SETX: variants seen among roughly 807,000 people sequenced by gnomAD.
The protein encoded by SETX is helicase senataxin.
Under a neutral mutation model 227.2 loss-of-function variants are expected in SETX, and 90 were observed. The ratio of observed to expected loss-of-function variants is 0.40; its 90% CI spans 0.33 to 0.47. The LOEUF (loss-of-function observed/expected upper bound fraction) is 0.47. SETX is among the 20% of genes least tolerant of loss of function. The probability of loss-of-function intolerance (pLI) is 0.91; values close to 1 mark genes in which losing one functional copy is unlikely to be tolerated. For missense variants in SETX, 3,052 were observed against 3,181.5 expected (o/e 0.96, Z 0.98); for synonymous variants, 1,210 against 1,113.2 (o/e 1.09, Z -1.73).
chr9:132,298,868 C>T (rs936699373), intron 12 of SETX, among the ~76,000 whole-genome samples: 12 of 152,178 alleles, frequency 7.9e-5, no homozygotes, highest in Admixed American at 6.5e-4. Flanking sequence ...TGACTCTGAA[C>T]GCTATTCAGG....
intron 15 of SETX, among the ~76,000 whole-genome samples, chr9:132,293,839 G>A (rs897872231): frequency 2.8e-4 from 42 of 152,078 alleles, no homozygotes; most frequent in African/African-American, 7.5e-4. Flanking sequence ...TGGCTAACAC[G>A]GTGAAACCCC....
At chr9:132,302,438 T>A (rs1589681846) in intron 11 of SETX, among the ~76,000 whole-genome samples, 1 of 143,712 alleles carries the variant, frequency 7.0e-6, no homozygotes, top group Non-Finnish European at 1.5e-5. Flanking sequence ...GACGGGCGGA[T>A]CACCTGAGGT....
chr9:132,286,011 C>T (rs1414514760), intron 18 of SETX, among the ~76,000 whole-genome samples: 6 of 150,642 alleles, frequency 4.0e-5, no homozygotes, highest in East Asian at 3.9e-4. Context: ...GGTGAAACCC[C>T]GTCTCTACTA....
At position 132,273,138 on chromosome 9, in the gene SETX, A is replaced by G. The variant is rs148044905; in HGVS notation, c.7101-1330T>C. Among the ~76,000 whole-genome samples the G allele has an allele frequency of 1.4e-3, 208 of 152,160 alleles. 1 individual carries two copies. The highest frequency in any genetic ancestry group is 4.3e-3 in the African/African-American group (178 of 41,480). ...ACTAAGTCTTCCAGTCCATGAAAACAGGATGTCTTCACATTTATTTAGGTG... is the reference window on the plus strand; with the variant it reads ...ACTAAGTCTTCCAGTCCATGAAAACGGGATGTCTTCACATTTATTTAGGTG... On this transcript the variant is annotated intron_variant, in intron 23 of 25. Coordinates refer to ENST00000224140, the MANE Select transcript of SETX (RefSeq NM_015046.7).
chr9:132,287,719 A>G (rs1843997991), intron 17 of SETX, among the ~76,000 whole-genome samples: 1 of 151,676 alleles, frequency 6.6e-6, no homozygotes, highest in Non-Finnish European at 1.5e-5. Context: ...TAACAAAAGT[A>G]ATTTTAATAA....
Position 132,331,316 on chromosome 9 carries a change from T to C in SETX, c.971A>G (p.Tyr324Cys), listed in dbSNP as rs200665273. 6.2e-7 allele frequency: 1 copy of C among 1,614,138 alleles called. No individual in the cohort carries two copies. Among genetic ancestry groups the C allele is most frequent in the Non-Finnish European group, 8.5e-7 (1 of 1,180,004 alleles). The change falls in exon 8 of 26, where the codon TAC becomes TGC. Residue 324 changes from tyrosine (Y) to cysteine (C), a missense_variant. Coordinates refer to ENST00000224140, the MANE Select transcript of SETX (RefSeq NM_015046.7). ...CCGTATATGTCGGATCTCTCTATTG[T>C]AGCTTGCGTTGTTGATAATGGTTTG... ...AFQTIINNAS[Y>C]NREIRHIRNS...
At chr9:132,310,157 A>T (rs1173798765) in intron 11 of SETX, among the ~76,000 whole-genome samples, 2 of 152,234 alleles carry the variant, frequency 1.3e-5, no homozygotes, top group Non-Finnish European at 2.9e-5. Flanking sequence ...GCTACTAAAT[A>T]TGTGAAAAGA....
intron 15 of SETX, among the ~76,000 whole-genome samples, chr9:132,294,169 T>C (rs768277030): frequency 6.6e-6 from 1 of 152,184 alleles, no homozygotes; most frequent in Non-Finnish European, 1.5e-5. Context: ...AACTACCAAC[T>C]GTACACTGCA....
chr9:132,271,812 T>G lies in SETX; in HGVS notation c.7101-4A>C, dbSNP rs376630243. On this transcript the variant is annotated splice_polypyrimidine_tract_variant and splice_region_variant and intron_variant, in intron 23 of 25. Transcript: ENST00000224140. ...CACAGTGTCTACTTCTGCTGGTCTATTTACAAAAGAGAAACATATTTACTG... is the reference window on the plus strand; with the variant it reads ...CACAGTGTCTACTTCTGCTGGTCTAGTTACAAAAGAGAAACATATTTACTG... 1 of 1,609,336 alleles carries G rather than the reference T, an allele frequency of 6.2e-7. No individual in the cohort carries two copies.
At chr9:132,334,944 CTAACA>C (rs1471481995) in intron 6 of SETX, among the ~76,000 whole-genome samples, 1 of 152,052 alleles carries the variant, frequency 6.6e-6, no homozygotes, top group Non-Finnish European at 1.5e-5. Flanking sequence ...AAAACAATTT[CTAACA>C]TAACTACCAT....
At chr9:132,312,731 G>T (rs1368687809) in intron 10 of SETX, among the ~76,000 whole-genome samples, 2 of 152,270 alleles carry the variant, frequency 1.3e-5, no homozygotes, top group Middle Eastern at 3.4e-3. Flanking sequence ...TGATCAGTTT[G>T]TATCACCCAG....
chr9:132,352,387 G>A (rs1387047363), intron 2 of SETX, among the ~76,000 whole-genome samples: 1 of 152,096 alleles, frequency 6.6e-6, no homozygotes, highest in Non-Finnish European at 1.5e-5. Flanking sequence ...ACTCTTTCTG[G>A]GCGGCCTACT....
chr9:132,349,780 T>C (rs976276810), intron 2 of SETX, among the ~76,000 whole-genome samples: 1 of 152,148 alleles, frequency 6.6e-6, no homozygotes, highest in Non-Finnish European at 1.5e-5. Context: ...GATTTTGGAA[T>C]GGGGAAAAAA....
intron 11 of SETX, 67 bp downstream of exon 11, chr9:132,311,689 AT>A (rs1203924549): frequency 1.8e-6 from 2 of 1,142,016 alleles, no homozygotes; most frequent in African/African-American, 3.1e-5. Context: ...AAATAATGCT[AT>A]CTCCTCTTAA....
At position 132,352,457 on chromosome 9, in the gene SETX, A is replaced by G. The variant is rs921282237; in HGVS notation, c.-8+1192T>C. Among the ~76,000 whole-genome samples the G allele has an allele frequency of 1.4e-4, 21 of 152,234 alleles. 1 individual carries two copies. The highest frequency in any genetic ancestry group is 4.8e-4 in the African/African-American group (20 of 41,450). On this transcript the variant is annotated intron_variant, in intron 2 of 25. Coordinates refer to ENST00000224140, the MANE Select transcript of SETX (RefSeq NM_015046.7). ...GCTGCCCAGACTGAGAATGTATTGT[A>G]AAACTTAATGCAGGCAGGGCGCAGT...
chr9:132,355,473 G>T (rs1564173811), upstream of SETX, among the ~76,000 whole-genome samples: 3 of 152,270 alleles, frequency 2.0e-5, no homozygotes, highest in African/African-American at 4.8e-5. Context: ...GGAGGAATAT[G>T]TGTATATCCT....
chr9:132,341,421 G>T, intron 5 of SETX, among the ~76,000 whole-genome samples: 2 of 152,144 alleles, frequency 1.3e-5, no homozygotes, highest in Middle Eastern at 6.8e-3. Context: ...AAGCTCATCC[G>T]ACAGGGAGGA....
Position 132,326,771 on chromosome 9 carries a change from A to G in SETX, c.4827T>C (p.Gly1609=). 1 of 1,614,222 alleles carries G rather than the reference A, an allele frequency of 6.2e-7. No individual in the cohort carries two copies. The highest frequency in any genetic ancestry group is 8.5e-7 in the Non-Finnish European group (1 of 1,180,030). The stretch of plus-strand genomic sequence containing the variant: ...AAGAAGTTTCCAAAGATTTAGAAAG[A>G]CCAGCAATTCGTGAAGTACTCTTTG... ...FSSKSTSRIA[G]LSKSLETSSA... is the part of the protein sequence containing the mutation. Residue 1609 remains glycine, a synonymous_variant, in exon 10 of 26, where the codon GGT becomes GGC. Transcript: ENST00000224140.
At chr9:132,294,659 T>C (rs1844562574) in intron 15 of SETX, among the ~76,000 whole-genome samples, 1 of 152,242 alleles carries the variant, frequency 6.6e-6, no homozygotes, top group African/African-American at 2.4e-5. Context: ...GAGGCGCTAT[T>C]GGCAGGACCT....
Sources: allele counts gnomAD v4.1 joint callset (sites outside exome capture counted in the v4.1 genomes callset), GRCh38; gene constraint gnomAD v4.1.1; transcripts MANE v1.5; gene names NCBI Gene and HGNC (gene_info 2026-07-23, HGNC 2026-07-21).